Variants in PRKN observed in about 807,000 individuals in gnomAD.
PRKN encodes parkin RBR E3 ubiquitin protein ligase.
Under a neutral mutation model 59.5 loss-of-function variants are expected in PRKN, and 56 were observed. That is an observed-to-expected ratio of 0.94 (90% CI 0.76 to 1.18). PRKN has a LOEUF of 1.18. Among genes scored for constraint, PRKN ranks in the 50% most tolerant of loss-of-function variants. The pLI is 0.00. For missense variants in PRKN, 657 were observed against 596.4 expected (o/e 1.10, Z -1.06); for synonymous variants, 250 against 222.1 (o/e 1.13, Z -1.12).
chr6:161,592,299 C>T lies in PRKN; in HGVS notation c.872-22883G>A, dbSNP rs1019218063. On this transcript the variant is annotated intron_variant, in intron 7 of 11. Coordinates refer to ENST00000366898, the MANE Select transcript of PRKN (RefSeq NM_004562.3). The surrounding 1 kb of genome is among the most constrained non-coding windows in gnomAD (Gnocchi z 4.8). Reference sequence around the variant, plus strand: ...ATGTAGGATTTTGGATATGCAGAAACGAATTTCTACCTTAAAGACTGAGGA... The same window carrying T: ...ATGTAGGATTTTGGATATGCAGAAATGAATTTCTACCTTAAAGACTGAGGA... Among the ~76,000 whole-genome samples the T allele has an allele frequency of 5.9e-5, 9 of 152,024 alleles. No individual in the cohort carries two copies. Among genetic ancestry groups the T allele is most frequent in the East Asian group, 1.9e-4 (1 of 5,188 alleles).
intron 6 of PRKN, among the ~76,000 whole-genome samples, chr6:161,852,123 G>A (rs1288553969): frequency 6.7e-6 from 1 of 150,314 alleles, no homozygotes. Flanking sequence ...CTGTGAGGAA[G>A]ATGATAGCCA....
At chr6:161,572,083 G>A (rs533354914) in intron 7 of PRKN, among the ~76,000 whole-genome samples, 244 of 152,222 alleles carry the variant, frequency 1.6e-3, no homozygotes, top group Non-Finnish European at 2.7e-3. Context: ...ATAATTGTGT[G>A]AGCCCTTCCC....
chr6:161,911,766 C>G (rs948344993), intron 6 of PRKN, among the ~76,000 whole-genome samples: 1 of 152,112 alleles, frequency 6.6e-6, no homozygotes, highest in Non-Finnish European at 1.5e-5. Flanking sequence ...AGTACTGGAA[C>G]AGGTTAATAA....
intron 7 of PRKN, among the ~76,000 whole-genome samples, chr6:161,674,098 G>T (rs940866101): frequency 3.6e-4 from 55 of 152,124 alleles, no homozygotes; most frequent in African/African-American, 1.3e-3. Context: ...AATACAGACT[G>T]GGAAAAAAGA....
chr6:161,718,547 A>G (rs553695250), intron 7 of PRKN, among the ~76,000 whole-genome samples: 1 of 151,964 alleles, frequency 6.6e-6, no homozygotes. Context: ...TCAGGGGGCT[A>G]GAGATGTGCT....
Position 162,304,527 on chromosome 6 carries a change from C to CA in PRKN, c.172-41763_172-41762insT, listed in dbSNP as rs1562655064. On this transcript the variant is annotated intron_variant, in intron 2 of 11. Coordinates refer to ENST00000366898, the MANE Select transcript of PRKN (RefSeq NM_004562.3). ...TCTATCTATCTATCTATCTATCTAT[C>CA]TATCTATCTATCTATCTATTTATCC... Among the ~76,000 whole-genome samples, 9 of 119,722 alleles carry CA rather than the reference C, an allele frequency of 7.5e-5. 1 individual carries two copies. Among genetic ancestry groups the CA allele is most frequent in the African/African-American group, 2.7e-4 (8 of 29,946 alleles). The allele number at this position is 119,722 out of a possible 152,430, so 78.5% of individuals were successfully genotyped here.
At position 161,875,102 on chromosome 6, in the gene PRKN, GTA is replaced by G. The variant is rs1369743190; in HGVS notation, c.735-89196_735-89195del. Among the ~76,000 whole-genome samples the G allele has an allele frequency of 2.9e-4, 34 of 118,764 alleles. 4 individuals are homozygous for G. The highest frequency in any genetic ancestry group is 9.8e-4 in the African/African-American group (27 of 27,492). The allele number at this position is 118,764 out of a possible 152,430, so 77.9% of individuals were successfully genotyped here. ...GTATATATGATATATTATATATAAA[GTA>G]TATATATTATATATAAAGTATATAT... is the stretch of plus-strand genomic sequence containing the variant. On this transcript the variant is annotated intron_variant, in intron 6 of 11. Coordinates refer to ENST00000366898, the MANE Select transcript of PRKN (RefSeq NM_004562.3).
rs189326658 is a variant in PRKN at position 161,744,299 on chromosome 6, C to A, written c.871+41473G>T. Among the ~76,000 whole-genome samples the A allele has an allele frequency of 1.3e-4, 19 of 151,658 alleles. No homozygotes were observed. In the East Asian group the frequency reaches 1.9e-3, roughly 16 times the overall value. Reference sequence around the variant, plus strand: ...TGCAGCACAGATGTGAACAGTGGGTCCAAAATAAGCACCTTAGATTAAGCC... The same window carrying A: ...TGCAGCACAGATGTGAACAGTGGGTACAAAATAAGCACCTTAGATTAAGCC... On this transcript the variant is annotated intron_variant, in intron 7 of 11. Transcript: ENST00000366898.
At chr6:161,680,726 C>CATATAT (rs56954052) in intron 7 of PRKN, among the ~76,000 whole-genome samples, 32 of 50,960 alleles carry the variant, frequency 6.3e-4, no homozygotes, top group African/African-American at 1.5e-3. Flanking sequence ...TCCTGAAATA[C>CATATAT]ATATATATAT....
At chr6:162,231,741 C>T (rs1433895604) in intron 3 of PRKN, among the ~76,000 whole-genome samples, 1 of 152,166 alleles carries the variant, frequency 6.6e-6, no homozygotes, top group East Asian at 1.9e-4. Flanking sequence ...AGAGAGTTAC[C>T]TATTCATTCC....
At chr6:162,008,342 G>A (rs1782343043) in intron 5 of PRKN, among the ~76,000 whole-genome samples, 1 of 152,124 alleles carries the variant, frequency 6.6e-6, no homozygotes. Context: ...GGGGGCCCCA[G>A]GACGCTACCC....
intron 2 of PRKN, among the ~76,000 whole-genome samples, chr6:162,415,409 G>C (rs1376457452): frequency 6.6e-6 from 1 of 152,126 alleles, no homozygotes; most frequent in Admixed American, 6.6e-5. Flanking sequence ...ATCTTCAAAA[G>C]GTAGAAACAG....
At chr6:162,704,320 G>A (rs536201157) in intron 1 of PRKN, among the ~76,000 whole-genome samples, 5 of 152,242 alleles carry the variant, frequency 3.3e-5, no homozygotes. Context: ...AAGCCTCTGT[G>A]CTGGCACTCC....
chr6:161,909,428 C>A (rs1283151250), intron 6 of PRKN, among the ~76,000 whole-genome samples: 1 of 151,994 alleles, frequency 6.6e-6, no homozygotes, highest in East Asian at 1.9e-4. Context: ...CAATAAAAAT[C>A]ATTTCTTTTG....
intron 2 of PRKN, among the ~76,000 whole-genome samples, chr6:162,286,851 G>A (rs1781213982): frequency 1.3e-5 from 2 of 152,166 alleles, no homozygotes; most frequent in South Asian, 4.1e-4. Context: ...CAAAACTGGA[G>A]CTCAAAGAGA....
At chr6:162,678,685 T>C (rs1339116620) in intron 1 of PRKN, among the ~76,000 whole-genome samples, 1 of 152,214 alleles carries the variant, frequency 6.6e-6, no homozygotes, top group East Asian at 1.9e-4. Context: ...TTAAATAGTC[T>C]AAATATAACT....
chr6:161,793,152 C>A (rs1790706325), intron 6 of PRKN, among the ~76,000 whole-genome samples: 1 of 152,176 alleles, frequency 6.6e-6, no homozygotes, highest in Non-Finnish European at 1.5e-5. Context: ...TTGATAGACT[C>A]AACTTTTAGA....
At chr6:162,115,488 A>G (rs1583054618) in intron 4 of PRKN, among the ~76,000 whole-genome samples, 1 of 151,894 alleles carries the variant, frequency 6.6e-6, no homozygotes, top group African/African-American at 2.4e-5. Flanking sequence ...TAAAACTTAA[A>G]GTATAATAAT....
chr6:162,099,190 C>T (rs916821758), intron 4 of PRKN, among the ~76,000 whole-genome samples: 4 of 152,134 alleles, frequency 2.6e-5, no homozygotes, highest in Admixed American at 2.6e-4. Flanking sequence ...ATGGAATCAC[C>T]TCTGGCCACG....
Sources: gnomAD v4.1 joint callset for allele counts (sites outside exome capture counted in the v4.1 genomes callset) on GRCh38, gnomAD v4.1.1 for gene constraint, Gnocchi (gnomAD v3.1) non-coding constraint, MANE v1.5 for transcripts, NCBI Gene and HGNC (gene_info 2026-07-23, HGNC 2026-07-21) for gene names.